The following R3HDM1 variants were observed in gnomAD, a reference collection of about 807,000 sequenced individuals.
The protein encoded by R3HDM1 is R3H domain containing 1, also known as R3H domain-containing protein 1.
A neutral mutation model predicts 141.1 loss-of-function variants in R3HDM1; 46 were observed. That is an observed-to-expected ratio of 0.33 (90% CI 0.26 to 0.42). The LOEUF is 0.42. Among genes scored for constraint, R3HDM1 ranks in the 10% least tolerant of loss-of-function variants. The probability of loss-of-function intolerance (pLI) is 1.00; values close to 1 mark genes in which losing one functional copy is unlikely to be tolerated. For synonymous variants in R3HDM1, 435 were observed against 472.9 expected (o/e 0.92, Z 1.04); for missense variants, 1,184 against 1,368.3 (o/e 0.87, Z 2.12).
At chr2:135,677,940 G>A (rs1037807786) in intron 20 of R3HDM1, among the ~76,000 whole-genome samples, 15 of 151,484 alleles carry the variant, frequency 9.9e-5, no homozygotes, top group African/African-American at 3.2e-4. Flanking sequence ...TCTCTCGCTC[G>A]CTCTCTCTCC....
chr2:135,557,338 A>G (rs1490246753), intron 1 of R3HDM1, among the ~76,000 whole-genome samples: 1 of 151,374 alleles, frequency 6.6e-6, no homozygotes, highest in Non-Finnish European at 1.5e-5. Flanking sequence ...CCATACTATA[A>G]CAAGGGTCTT....
intron 1 of R3HDM1, among the ~76,000 whole-genome samples, chr2:135,580,225 T>G (rs1304269190): frequency 6.6e-6 from 1 of 152,092 alleles, no homozygotes; most frequent in Non-Finnish European, 1.5e-5. Context: ...CACTCCAACT[T>G]GGGCAAGAGG....
At chr2:135,579,715 G>A (rs1031599951) in intron 1 of R3HDM1, among the ~76,000 whole-genome samples, 3 of 151,966 alleles carry the variant, frequency 2.0e-5, no homozygotes, top group Admixed American at 6.6e-5. Flanking sequence ...TTTCACTTCC[G>A]CGGTATCCCT....
At position 135,651,720 on chromosome 2, in the gene R3HDM1, C is replaced by T. The variant is rs1190561999; in HGVS notation, c.1726-10C>T. On this transcript the variant is annotated splice_polypyrimidine_tract_variant and intron_variant, in intron 17 of 26. Transcript: ENST00000683871. ...AAGGCTTACTAATTTTTGACTTCTTCCTTTTTTAGCAGGATAACCTAGGGT... is the reference window on the plus strand; with the variant it reads ...AAGGCTTACTAATTTTTGACTTCTTTCTTTTTTAGCAGGATAACCTAGGGT... 6.3e-7 allele frequency: 1 copy of T among 1,586,864 alleles called. No homozygotes were observed. The highest frequency in any genetic ancestry group is 1.7e-5 in the Admixed American group (1 of 57,508).
intron 1 of R3HDM1, among the ~76,000 whole-genome samples, chr2:135,544,994 A>G (rs1573613146): frequency 6.6e-6 from 1 of 152,160 alleles, no homozygotes; most frequent in East Asian, 1.9e-4. Flanking sequence ...TTTAGCATGT[A>G]TTTTCCCTGT....
chr2:135,620,283 C>T, intron 5 of R3HDM1: 4 of 936,004 alleles, frequency 4.3e-6, no homozygotes, highest in Non-Finnish European at 5.1e-6. Context: ...AAATATTATA[C>T]TTCTGAAAAA....
intron 4 of R3HDM1, 109 bp downstream of exon 4, chr2:135,616,302 G>T: frequency 8.8e-7 from 1 of 1,132,544 alleles, no homozygotes; most frequent in South Asian, 1.6e-5. Flanking sequence ...CATATTTTAT[G>T]GGGGGCAGAA....
chr2:135,689,913 C>T (rs1439242479), intron 21 of R3HDM1, among the ~76,000 whole-genome samples: 1 of 151,864 alleles, frequency 6.6e-6, no homozygotes, highest in Non-Finnish European at 1.5e-5. Context: ...TCCTATTTTC[C>T]CTTTCATTTT....
At chr2:135,697,006 A>C (rs1051763556) in intron 21 of R3HDM1, among the ~76,000 whole-genome samples, 3 of 152,206 alleles carry the variant, frequency 2.0e-5, no homozygotes. Context: ...TGTTTTTTTC[A>C]AAAAGCAAAT....
chr2:135,709,924 C>A, intron 22 of R3HDM1, 135 bp from the exon 23 acceptor site: 1 of 896,394 alleles, frequency 1.1e-6, no homozygotes, highest in Non-Finnish European at 1.7e-6. Context: ...TGCACTAGGG[C>A]TTCAACCTGG....
intron 21 of R3HDM1, among the ~76,000 whole-genome samples, chr2:135,689,878 A>AT (rs1355686597): frequency 6.6e-6 from 1 of 152,148 alleles, no homozygotes; most frequent in Non-Finnish European, 1.5e-5. Flanking sequence ...TATCTTCAAA[A>AT]TGCTCTCATT....
At chr2:135,607,747 G>GCCA in intron 3 of R3HDM1, 1 of 668,496 alleles carries the variant, frequency 1.5e-6, no homozygotes, top group South Asian at 6.7e-5. Context: ...TTGGCAGTAA[G>GCCA]CCACAAGAAC....
chr2:135,715,762 T>TA, intron 24 of R3HDM1, 68 bp downstream of exon 24: 10 of 1,524,824 alleles, frequency 6.6e-6, no homozygotes, highest in African/African-American at 1.4e-5. Flanking sequence ...CACTTGGTAA[T>TA]TTATCTTGGT....
chr2:135,621,876 A>G, intron 6 of R3HDM1: 1 of 976,440 alleles, frequency 1.0e-6, no homozygotes, highest in Non-Finnish European at 1.2e-6. Flanking sequence ...TAAAATACTA[A>G]AGTCATTATA....
At chr2:135,622,484 A>G (rs2061605494) in intron 6 of R3HDM1, 170 bp from the exon 7 acceptor site, 6 of 984,278 alleles carry the variant, frequency 6.1e-6, no homozygotes, top group African/African-American at 1.7e-5. Flanking sequence ...TTATATGGGA[A>G]TAGAAACATC....
intron 21 of R3HDM1, among the ~76,000 whole-genome samples, chr2:135,682,573 G>GA (rs2070511960): frequency 1.3e-5 from 2 of 152,166 alleles, no homozygotes; most frequent in Non-Finnish European, 1.5e-5. Context: ...CTTGGTTTTA[G>GA]TCCCTGGGCA....
intron 20 of R3HDM1, among the ~76,000 whole-genome samples, chr2:135,677,089 A>T (rs769546942): frequency 6.6e-6 from 1 of 152,214 alleles, no homozygotes; most frequent in African/African-American, 2.4e-5. Flanking sequence ...AAATTGGTTA[A>T]GATGACATTC....
At chr2:135,702,586 C>T (rs2074371346) in intron 21 of R3HDM1, among the ~76,000 whole-genome samples, 1 of 149,238 alleles carries the variant, frequency 6.7e-6, no homozygotes, top group Admixed American at 6.8e-5. Flanking sequence ...GAGGGCAGAG[C>T]TTGCAGTAAG....
chr2:135,573,799 A>G (rs1037747076), intron 1 of R3HDM1, among the ~76,000 whole-genome samples: 1 of 152,176 alleles, frequency 6.6e-6, no homozygotes, highest in Non-Finnish European at 1.5e-5. Flanking sequence ...CAACAAAACA[A>G]ATAATTGGCA....
Sources: allele counts gnomAD v4.1 joint callset (sites outside exome capture counted in the v4.1 genomes callset), GRCh38; gene constraint gnomAD v4.1.1; transcripts MANE v1.5; gene names NCBI Gene and HGNC (gene_info 2026-07-23, HGNC 2026-07-21).